Variants in FBXW10B observed in about 807,000 individuals in gnomAD.
FBXW10B encodes the protein F-box and WD repeat domain containing protein 10B.
chr17:15,619,363 G>A, the FBXW10B span: 2 of 1,613,818 alleles, frequency 1.2e-6, no homozygotes, highest in Non-Finnish European at 8.5e-7. Flanking sequence ...TCTGTGATAT[G>A]TCATTGATCC....
the FBXW10B span, among the ~76,000 whole-genome samples, chr17:15,616,430 A>G: frequency 1.3e-5 from 2 of 151,804 alleles, no homozygotes; most frequent in African/African-American, 4.8e-5. Flanking sequence ...TCGGCCTCCA[A>G]ATGTGCTGGG....
At chr17:15,592,295 G>GTTTT in the FBXW10B span, among the ~76,000 whole-genome samples, 13 of 107,682 alleles carry the variant, frequency 1.2e-4, no homozygotes, top group African/African-American at 4.2e-4. Context: ...AATGGCCAGA[G>GTTTT]TTTTTTTTTT....
At chr17:15,572,523 T>C in the FBXW10B span, 1 of 152,240 alleles carries the variant, frequency 6.6e-6, no homozygotes. Context: ...ATCCCTGCCT[T>C]CATTCCCGTC....
At chr17:15,580,989 G>T in the FBXW10B span, among the ~76,000 whole-genome samples, 1 of 152,098 alleles carries the variant, frequency 6.6e-6, no homozygotes, top group African/African-American at 2.4e-5. Flanking sequence ...TAAATAATTT[G>T]CTCAAGATCA....
the FBXW10B span, among the ~76,000 whole-genome samples, chr17:15,610,726 A>G: frequency 1.3e-5 from 2 of 152,180 alleles, no homozygotes; most frequent in East Asian, 1.9e-4. Context: ...AATTCTGTCA[A>G]TACAGTCCAG....
chr17:15,604,712 T>C, the FBXW10B span, among the ~76,000 whole-genome samples: 1 of 152,048 alleles, frequency 6.6e-6, no homozygotes, highest in South Asian at 2.1e-4. Context: ...TTTCTTGTAT[T>C]TTGTTTAGTA....
chr17:15,584,663 G>C, the FBXW10B span, among the ~76,000 whole-genome samples: 1 of 152,212 alleles, frequency 6.6e-6, no homozygotes, highest in Non-Finnish European at 1.5e-5. Flanking sequence ...GATTCCTTCA[G>C]GTGCCTGGAT....
the FBXW10B span, among the ~76,000 whole-genome samples, chr17:15,601,047 C>A: frequency 1.6e-3 from 1 of 626 alleles, no homozygotes; most frequent in African/African-American, 5.6e-3. Context: ...GAGACTCCAT[C>A]TCAAAAAAAA....
the FBXW10B span, among the ~76,000 whole-genome samples, chr17:15,578,627 G>A: frequency 6.6e-6 from 1 of 152,078 alleles, no homozygotes; most frequent in African/African-American, 2.4e-5. Flanking sequence ...AGGAGTAATG[G>A]AGGGATTCGG....
the FBXW10B span, among the ~76,000 whole-genome samples, chr17:15,618,556 GA>G: frequency 0.15 from 20,856 of 138,342 alleles, 1,559 homozygotes; most frequent in East Asian, 0.24. Context: ...TAGAGTGAAT[GA>G]AAAAAAAAAA....
At chr17:15,590,946 A>C in the FBXW10B span, among the ~76,000 whole-genome samples, 3 of 152,140 alleles carry the variant, frequency 2.0e-5, no homozygotes, top group African/African-American at 7.2e-5. Flanking sequence ...GGGAAGACCC[A>C]GACAGGGCCA....
the FBXW10B span, among the ~76,000 whole-genome samples, chr17:15,582,143 A>G: frequency 2.0e-5 from 3 of 149,222 alleles, no homozygotes; most frequent in African/African-American, 7.4e-5. Context: ...CCATCTAGGA[A>G]TGGGAAGAGC....
At chr17:15,577,085 T>C in the FBXW10B span, among the ~76,000 whole-genome samples, 10 of 149,590 alleles carry the variant, frequency 6.7e-5, no homozygotes, top group Non-Finnish European at 1.3e-4. Flanking sequence ...CTGCAGAGTT[T>C]CTAAGGGTTG....
the FBXW10B span, among the ~76,000 whole-genome samples, chr17:15,601,408 C>CAAA: frequency 2.1e-4 from 14 of 66,518 alleles, no homozygotes; most frequent in African/African-American, 3.9e-4. Flanking sequence ...GACTCCGTCT[C>CAAA]AAAAAAAAAA....
the FBXW10B span, among the ~76,000 whole-genome samples, chr17:15,597,019 C>G: frequency 2.7e-5 from 4 of 150,566 alleles, no homozygotes; most frequent in Non-Finnish European, 5.9e-5. Flanking sequence ...TCATAAAAAT[C>G]ATGGCATACA....
At chr17:15,584,968 C>CTTTTTTTTTT in the FBXW10B span, among the ~76,000 whole-genome samples, 1 of 125,954 alleles carries the variant, frequency 7.9e-6, no homozygotes, top group Admixed American at 8.2e-5. Context: ...CCTTCTTCTT[C>CTTTTTTTTTT]TTTTTTTTTT....
the FBXW10B span, among the ~76,000 whole-genome samples, chr17:15,597,598 A>G: frequency 6.6e-6 from 1 of 152,056 alleles, no homozygotes; most frequent in Non-Finnish European, 1.5e-5. Context: ...GTGCCACTGC[A>G]CTCCAACCTG....
At chr17:15,595,315 G>T in the FBXW10B span, among the ~76,000 whole-genome samples, 1 of 151,836 alleles carries the variant, frequency 6.6e-6, no homozygotes, top group South Asian at 2.1e-4. Flanking sequence ...GCTCCAGCCT[G>T]GTGACAGAGC....
the FBXW10B span, among the ~76,000 whole-genome samples, chr17:15,587,153 G>C: frequency 6.6e-6 from 1 of 151,368 alleles, no homozygotes; most frequent in Non-Finnish European, 1.5e-5. Context: ...AGCAGGAGCA[G>C]AGACAGTAGG....
Sources: allele counts gnomAD v4.1 joint callset (sites outside exome capture counted in the v4.1 genomes callset), GRCh38; gene constraint gnomAD v4.1.1; transcripts MANE v1.5; gene names NCBI Gene and HGNC (gene_info 2026-07-23, HGNC 2026-07-21).